ADGRB3: variants seen among roughly 807,000 people sequenced by gnomAD.
ADGRB3 encodes the protein adhesion G protein-coupled receptor B3.
A neutral mutation model predicts 193.4 loss-of-function variants in ADGRB3; 37 were observed. The observed-to-expected ratio is 0.19, with a 90% CI of 0.15 to 0.25. The LOEUF (loss-of-function observed/expected upper bound fraction) is 0.25, where lower values mean the gene tolerates loss of function less well. Ranked by LOEUF, ADGRB3 falls within the 10% of genes least tolerant of loss-of-function variation. The probability of loss-of-function intolerance (pLI) is 1.00; values close to 1 mark genes in which losing one functional copy is unlikely to be tolerated. For synonymous variants in ADGRB3, 690 were observed against 644.2 expected (o/e 1.07, Z -1.08); for missense variants, 1,637 against 1,852.9 (o/e 0.88, Z 2.14).
chr6:68,850,213 G>A (rs1191655872), intron 3 of ADGRB3, among the ~76,000 whole-genome samples: 1 of 151,322 alleles, frequency 6.6e-6, no homozygotes, highest in South Asian at 2.1e-4. Context: ...CGATTGCTCT[G>A]TGTTTTTTTT....
chr6:68,986,528 G>A (rs1208759634), intron 10 of ADGRB3, among the ~76,000 whole-genome samples: 1 of 152,128 alleles, frequency 6.6e-6, no homozygotes, highest in African/African-American at 2.4e-5. Context: ...CCAGAACTAA[G>A]GGTATACCTT....
intron 17 of ADGRB3, among the ~76,000 whole-genome samples, chr6:69,153,274 G>A (rs187968486): frequency 1.8e-4 from 28 of 152,186 alleles, no homozygotes; most frequent in Admixed American, 1.0e-3. Context: ...TGAAGCCCCC[G>A]CACCACCCTT....
chr6:68,909,977 C>A (rs1400481103), intron 3 of ADGRB3, among the ~76,000 whole-genome samples: 1 of 152,218 alleles, frequency 6.6e-6, no homozygotes, highest in Non-Finnish European at 1.5e-5. Flanking sequence ...TGAGGAATCG[C>A]CACGCTGTCT....
intron 3 of ADGRB3, among the ~76,000 whole-genome samples, chr6:68,792,105 C>T (rs1176067166): frequency 6.6e-6 from 1 of 152,156 alleles, no homozygotes; most frequent in Non-Finnish European, 1.5e-5. Context: ...TTGACTAGAA[C>T]AGTTAAAATA....
intron 17 of ADGRB3, among the ~76,000 whole-genome samples, chr6:69,153,568 A>G (rs1225487494): frequency 6.6e-6 from 1 of 152,178 alleles, no homozygotes; most frequent in Admixed American, 6.5e-5. Context: ...CCTTGGTCCT[A>G]AAGAAAAGTT....
At chr6:68,915,001 C>A (rs1415769864) in intron 3 of ADGRB3, among the ~76,000 whole-genome samples, 1 of 152,158 alleles carries the variant, frequency 6.6e-6, no homozygotes, top group Non-Finnish European at 1.5e-5. Context: ...CTCTGTTAAT[C>A]ATATTTGAGC....
At chr6:69,304,648 G>A (rs1488359021) in intron 20 of ADGRB3, among the ~76,000 whole-genome samples, 4 of 151,464 alleles carry the variant, frequency 2.6e-5, no homozygotes, top group Non-Finnish European at 5.9e-5. Flanking sequence ...CTACTGCTCT[G>A]TTTTTGCCAT....
At chr6:69,152,898 T>C (rs1172064662) in intron 17 of ADGRB3, among the ~76,000 whole-genome samples, 2 of 152,192 alleles carry the variant, frequency 1.3e-5, no homozygotes, top group Non-Finnish European at 2.9e-5. Context: ...TATATCGCTA[T>C]GACTAAATTG....
intron 3 of ADGRB3, among the ~76,000 whole-genome samples, chr6:68,755,457 C>T (rs478070): frequency 0.38 from 57,314 of 151,868 alleles, 11,635 homozygotes; most frequent in African/African-American, 0.52. Context: ...GTGCTATGAG[C>T]GTGCTCACAA....
intron 17 of ADGRB3, among the ~76,000 whole-genome samples, chr6:69,133,678 C>CTTTTTTTTTTTTTTTT (rs57634617): frequency 6.6e-6 from 1 of 150,604 alleles, no homozygotes; most frequent in Non-Finnish European, 1.5e-5. Context: ...AAGAAAATTT[C>CTTTTTTTTTTTTTTTT]TTTTTTTTTC....
chr6:69,037,301 T>A (rs1204643408), intron 13 of ADGRB3, among the ~76,000 whole-genome samples: 1 of 152,220 alleles, frequency 6.6e-6, no homozygotes, highest in Non-Finnish European at 1.5e-5. Context: ...CAATATTGGC[T>A]TTGCTTATAT....
At chr6:68,841,641 CTACATCAAAA>C (rs1768160854) in intron 3 of ADGRB3, among the ~76,000 whole-genome samples, 1 of 151,952 alleles carries the variant, frequency 6.6e-6, no homozygotes, top group South Asian at 2.1e-4. Context: ...TTCTGAGTGC[CTACATCAAAA>C]AAGTAGAAAA....
intron 3 of ADGRB3, among the ~76,000 whole-genome samples, chr6:68,916,417 C>T (rs1766881340): frequency 6.6e-6 from 1 of 152,150 alleles, no homozygotes; most frequent in Admixed American, 6.5e-5. Context: ...TCTTTTCTCT[C>T]ACCCTTCCAA....
chr6:69,344,303 A>G (rs940254558), intron 26 of ADGRB3, among the ~76,000 whole-genome samples: 1 of 152,166 alleles, frequency 6.6e-6, no homozygotes, highest in Non-Finnish European at 1.5e-5. Context: ...GCTGCACCAG[A>G]TGAGGTCCCA....
intron 17 of ADGRB3, among the ~76,000 whole-genome samples, chr6:69,135,371 T>C (rs1053679730): frequency 2.0e-5 from 3 of 152,086 alleles, no homozygotes; most frequent in Middle Eastern, 3.4e-3. Context: ...CCTGGTGACG[T>C]TGGTTTCAAT....
At chr6:69,309,030 T>C (rs1768124277) in intron 20 of ADGRB3, among the ~76,000 whole-genome samples, 1 of 151,702 alleles carries the variant, frequency 6.6e-6, no homozygotes, top group Non-Finnish European at 1.5e-5. Flanking sequence ...AGAACAAATA[T>C]TGAGGGAAGC....
intron 20 of ADGRB3, among the ~76,000 whole-genome samples, chr6:69,258,105 T>C (rs1465513968): frequency 1.3e-5 from 2 of 152,186 alleles, no homozygotes; most frequent in African/African-American, 2.4e-5. Flanking sequence ...GACGAATATC[T>C]TTAAGCTCTG....
intron 17 of ADGRB3, among the ~76,000 whole-genome samples, chr6:69,180,667 G>C (rs140630788): frequency 6.6e-6 from 1 of 152,312 alleles, no homozygotes; most frequent in African/African-American, 2.4e-5. Context: ...CTTAGTCCAG[G>C]AGAAACTGCA....
At chr6:68,698,993 C>T (rs1413247604) in intron 3 of ADGRB3, among the ~76,000 whole-genome samples, 1 of 152,086 alleles carries the variant, frequency 6.6e-6, no homozygotes, top group South Asian at 2.1e-4. Flanking sequence ...ATTTATCTAA[C>T]TTTTGTATAA....
Sources: gnomAD v4.1 joint callset for allele counts (sites outside exome capture counted in the v4.1 genomes callset) on GRCh38, gnomAD v4.1.1 for gene constraint, MANE v1.5 for transcripts, NCBI Gene and HGNC (gene_info 2026-07-23, HGNC 2026-07-21) for gene names.